NBR1: variants seen among roughly 807,000 people sequenced by gnomAD.
NBR1 encodes next to BRCA1 gene 1 protein.
NBR1 carries 59 observed loss-of-function variants against 115.5 expected under a neutral mutation model. That is an observed-to-expected ratio of 0.51 (90% CI 0.41 to 0.63). The LOEUF (loss-of-function observed/expected upper bound fraction) is 0.63. Among genes scored for constraint, NBR1 ranks in the 30% least tolerant of loss-of-function variants. The probability of loss-of-function intolerance (pLI) is 0.00; values close to 1 mark genes in which losing one functional copy is unlikely to be tolerated. For missense variants in NBR1, 1,043 were observed against 1,150.5 expected (o/e 0.91, Z 1.35); for synonymous variants, 373 against 414.7 (o/e 0.90, Z 1.22).
At chr17:43,171,690 A>G (rs562125800) in intron 1 of NBR1, among the ~76,000 whole-genome samples, 1 of 152,158 alleles carries the variant, frequency 6.6e-6, no homozygotes, top group Non-Finnish European at 1.5e-5. Flanking sequence ...CACTACTTAC[A>G]CATCCTTCTC....
intron 2 of NBR1, among the ~76,000 whole-genome samples, chr17:43,176,868 C>T (rs1340985696): frequency 6.6e-6 from 1 of 151,614 alleles, no homozygotes; most frequent in East Asian, 1.9e-4. Flanking sequence ...CCTCCATTCT[C>T]CCCCCCCTCA....
At chr17:43,198,868 C>A (rs2057128128) in intron 16 of NBR1, among the ~76,000 whole-genome samples, 2 of 151,976 alleles carry the variant, frequency 1.3e-5, no homozygotes, top group Non-Finnish European at 2.9e-5. Context: ...GAGGCTGAGG[C>A]AGGAGAATGG....
At chr17:43,199,569 G>T (rs1204220870) in intron 16 of NBR1, among the ~76,000 whole-genome samples, 1 of 151,846 alleles carries the variant, frequency 6.6e-6, no homozygotes. Context: ...TAGAGATGGG[G>T]TTTCACCGTG....
intron 1 of NBR1, among the ~76,000 whole-genome samples, chr17:43,172,476 G>A (rs1487892922): frequency 6.6e-6 from 1 of 152,166 alleles, no homozygotes; most frequent in African/African-American, 2.4e-5. Flanking sequence ...GTTGGAAAGT[G>A]ATATTTCAGA....
rs1156426023 is a variant in NBR1, at chr17:43,200,267, GGAT to G, written c.2130_2132del (p.Asp710del). On this transcript the variant is annotated inframe_deletion, in exon 17 of 21. Transcript: ENST00000590996. ...TCATGGAGGAGGAGGAGGATGAGGA[GGAT>G]GAGGAGGAGGAGGATGAGCTCAAAG... 1 of 1,551,554 alleles carries G rather than the reference GGAT, an allele frequency of 6.4e-7. No individual in the cohort carries two copies. Among genetic ancestry groups the G allele is most frequent in the South Asian group, 1.2e-5 (1 of 83,980 alleles).
At position 43,179,973 on chromosome 17, in the gene NBR1, G is replaced by C. The variant is rs150596629; in HGVS notation, c.184+561G>C. Among the ~76,000 whole-genome samples the C allele has an allele frequency of 1.4e-3, 219 of 152,214 alleles. 1 individual carries two copies. The highest frequency in any genetic ancestry group is 5.0e-3 in the African/African-American group (207 of 41,556). On this transcript the variant is annotated intron_variant, in intron 4 of 20. Transcript: ENST00000590996. ...AGATTCCCAGTAGTGATGAAGGAGG[G>C]ATTTAAGGGGAAGAACTGATCTACA...
intron 5 of NBR1, among the ~76,000 whole-genome samples, chr17:43,182,657 T>G (rs2056701226): frequency 1.3e-5 from 2 of 151,894 alleles, no homozygotes. Flanking sequence ...AATATAAAAA[T>G]GTGTATAAAA....
rs749961002 is a variant in NBR1, at chr17:43,202,615, T to C, written c.2564-40T>C. ...TGTGAGTTAGGAAACAGTAGGTGCT[T>C]ATGGATGCTGCATCTAACCAACAGC... is the stretch of plus-strand genomic sequence containing the variant. On this transcript the variant is annotated intron_variant, in intron 18 of 20. Transcript: ENST00000590996. The C allele has an allele frequency of 2.0e-6, 3 of 1,491,568 alleles. No individual in the cohort carries two copies. The East Asian group carries it at 7.2e-5, about 36-fold the overall frequency. The allele number at this position is 1,491,568 out of a possible 1,614,324, so 92.4% of individuals were successfully genotyped here.
At chr17:43,208,797 C>T (rs533240061) in intron 20 of NBR1, among the ~76,000 whole-genome samples, 14 of 152,224 alleles carry the variant, frequency 9.2e-5, no homozygotes, top group South Asian at 4.1e-4. Flanking sequence ...GAAACCTCAT[C>T]TCTAGTAAAA....
At chr17:43,179,782 G>C (rs1288299151) in intron 4 of NBR1, among the ~76,000 whole-genome samples, 2 of 152,186 alleles carry the variant, frequency 1.3e-5, no homozygotes, top group Non-Finnish European at 2.9e-5. Flanking sequence ...TTTATCAGAT[G>C]TTCAGAGCTT....
intron 20 of NBR1, 116 bp from the exon 21 acceptor site, chr17:43,209,785 C>A: frequency 6.8e-7 from 1 of 1,467,344 alleles, no homozygotes; most frequent in Non-Finnish European, 9.0e-7. Context: ...TTACCTAGTA[C>A]TTTGAATAAA....
chr17:43,180,831 A>G lies in NBR1; in HGVS notation c.207+14A>G, dbSNP rs767461378. ...GAAGCGCTTAAGGTAATGATTATTT[A>G]ATCTCATTTTTAAATAATTTAAAAA... On this transcript the variant is annotated intron_variant, in intron 5 of 20. Transcript: ENST00000590996. The G allele has an allele frequency of 1.8e-5, 26 of 1,425,842 alleles. No individual in the cohort carries two copies. Among genetic ancestry groups the G allele is most frequent in the South Asian group, 5.9e-5 (4 of 67,528 alleles). 88.3% of individuals were successfully genotyped at this position (1,425,842 alleles called of 1,614,324 possible).
intron 20 of NBR1, among the ~76,000 whole-genome samples, chr17:43,208,060 A>T (rs1299924264): frequency 6.6e-6 from 1 of 152,220 alleles, no homozygotes; most frequent in Non-Finnish European, 1.5e-5. Context: ...AGAGAGTTCT[A>T]TGCTGGAACT....
intron 2 of NBR1, 36 bp downstream of exon 2, chr17:43,175,937 A>G (rs765675479): frequency 1.6e-6 from 2 of 1,220,616 alleles, no homozygotes; most frequent in Admixed American, 3.9e-5. Flanking sequence ...CCTTGGTTTA[A>G]GCATGGTTAT....
At chr17:43,207,023 C>T (rs2057331278) in intron 20 of NBR1, among the ~76,000 whole-genome samples, 2 of 152,114 alleles carry the variant, frequency 1.3e-5, no homozygotes. Flanking sequence ...TGAGGTCATG[C>T]CACTGCACTC....
chr17:43,190,044 AC>A, intron 8 of NBR1: 1 of 522,450 alleles, frequency 1.9e-6, no homozygotes. Context: ...GTTCCCCTGA[AC>A]GGACAAAATT....
At chr17:43,183,707 T>G (rs1245261022) in intron 5 of NBR1, among the ~76,000 whole-genome samples, 5 of 152,240 alleles carry the variant, frequency 3.3e-5, no homozygotes, top group African/African-American at 1.2e-4. Context: ...TCACCCAGAC[T>G]GGAGTGCAGT....
At chr17:43,181,783 A>G (rs948100208) in intron 5 of NBR1, among the ~76,000 whole-genome samples, 2 of 152,110 alleles carry the variant, frequency 1.3e-5, no homozygotes, top group African/African-American at 2.4e-5. Flanking sequence ...TCAGCAGTTC[A>G]AGACCAGCCT....
chr17:43,197,192 C>A, intron 16 of NBR1, 86 bp downstream of exon 16: 1 of 1,247,526 alleles, frequency 8.0e-7, no homozygotes, highest in Non-Finnish European at 1.1e-6. Context: ...TGCTCTTCTT[C>A]ACTGAGACTG....
Sources: allele counts gnomAD v4.1 joint callset (sites outside exome capture counted in the v4.1 genomes callset), GRCh38; gene constraint gnomAD v4.1.1; transcripts MANE v1.5; gene names NCBI Gene and HGNC (gene_info 2026-07-23, HGNC 2026-07-21).